Variants in NARF observed in about 807,000 individuals in gnomAD.
NARF encodes nuclear prelamin A recognition factor.
A neutral mutation model predicts 48.0 loss-of-function variants in NARF; 41 were observed. That is an observed-to-expected ratio of 0.85 (90% CI 0.66 to 1.11). The LOEUF is 1.11. Among genes scored for constraint, NARF ranks in the 50% least tolerant of loss-of-function variants. The probability of loss-of-function intolerance (pLI) is 0.00; values close to 1 mark genes in which losing one functional copy is unlikely to be tolerated. For synonymous variants in NARF, 215 were observed against 225.5 expected, an observed-to-expected ratio of 0.95 and a Z score of 0.42; for missense variants, 613 against 590.2, an observed-to-expected ratio of 1.04 and a Z score of -0.40.
chr17:82,464,056 A>G (rs1398622437), intron 2 of NARF: 6 of 491,732 alleles, frequency 1.2e-5, no homozygotes, highest in Non-Finnish European at 1.8e-5. Flanking sequence ...TGTCATCTGC[A>G]TGGTTCCCTA....
rs531651754 is a variant in NARF, at chr17:82,466,430, G to T, written c.252+2000G>T. On this transcript the variant is annotated intron_variant, in intron 3 of 10. Coordinates refer to ENST00000309794, the MANE Select transcript of NARF (RefSeq NM_012336.4). The stretch of plus-strand genomic sequence containing the variant: ...TCTACAACTTATATTTTAGTACGGT[G>T]TGCGATGTGAATACATTCTTCTTCC... Among the ~76,000 whole-genome samples the T allele has an allele frequency of 2.0e-5, 3 of 152,262 alleles. No homozygotes were observed. In the East Asian group the frequency reaches 5.8e-4, roughly 29 times the overall value.
chr17:82,469,858 C>A (rs2043657073), intron 4 of NARF, among the ~76,000 whole-genome samples: 1 of 150,854 alleles, frequency 6.6e-6, no homozygotes, highest in African/African-American at 2.4e-5. Context: ...CCCGCCTTGG[C>A]CTCCCAAAGT....
chr17:82,472,505 G>T, intron 4 of NARF, 59 bp from the exon 5 acceptor site: 1 of 1,460,978 alleles, frequency 6.8e-7, no homozygotes, highest in East Asian at 2.5e-5. Context: ...AAAAGAGGAA[G>T]CCTAAAAGTA....
rs2043959191 is a variant in NARF, at chr17:82,481,270, C to T, written c.769+59C>T. 4 of 1,600,070 alleles carry T rather than the reference C, an allele frequency of 2.5e-6. No homozygotes were observed. The South Asian group carries it at 4.4e-5, about 18-fold the overall frequency. ...GGGTAATCTCCTACTGGCCAGTACA[C>T]ACCAGAGCCAGGCAGATCTGTGTCC... On this transcript the variant is annotated intron_variant, in intron 7 of 10. Coordinates refer to ENST00000309794, the MANE Select transcript of NARF (RefSeq NM_012336.4).
intron 6 of NARF, 102 bp downstream of exon 6, chr17:82,479,020 C>A: frequency 1.9e-6 from 2 of 1,080,588 alleles, no homozygotes; most frequent in Non-Finnish European, 1.3e-6. Flanking sequence ...GTGGTCACGG[C>A]CCCCCAGGTG....
intron 5 of NARF, among the ~76,000 whole-genome samples, chr17:82,474,986 G>A (rs905798622): frequency 6.6e-6 from 1 of 152,192 alleles, no homozygotes; most frequent in African/African-American, 2.4e-5. Context: ...TTACTAGATT[G>A]TGGGTGTTAC....
intron 5 of NARF, among the ~76,000 whole-genome samples, chr17:82,474,451 A>G (rs1288065630): frequency 6.6e-6 from 1 of 152,190 alleles, no homozygotes; most frequent in Non-Finnish European, 1.5e-5. Flanking sequence ...ATCTTCGATG[A>G]TGCATAAGGG....
At chr17:82,486,302 C>T (rs945479879) in intron 10 of NARF, among the ~76,000 whole-genome samples, 4 of 152,134 alleles carry the variant, frequency 2.6e-5, no homozygotes, top group Non-Finnish European at 5.9e-5. Flanking sequence ...CATCTGCGCC[C>T]CTGGTGGGGA....
intron 10 of NARF, 127 bp from the exon 11 acceptor site, chr17:82,487,789 A>AACCCCCCC: frequency 6.2e-6 from 2 of 321,328 alleles, no homozygotes; most frequent in Non-Finnish European, 1.2e-5. Context: ...CCTCCCGCCC[A>AACCCCCCC]ATCTCTACAA....
rs1203745102 is a variant in NARF, at chr17:82,488,043, G to A, written c.1257G>A (p.Gln419=). ...GTCCGGAGTCCAGTGCACACGTGCA[G>A]GAGCTGTACCAGGAGTGGCTGGAGG... ...VRRPESSAHV[Q]ELYQEWLEGI... Residue 419 remains glutamine, a synonymous_variant, in exon 11 of 11, where the codon CAG becomes CAA. Coordinates refer to ENST00000309794, the MANE Select transcript of NARF (RefSeq NM_012336.4). 1.9e-6 allele frequency: 3 copies of A among 1,614,066 alleles called. No individual in the cohort carries two copies. In the African/African-American group the frequency reaches 4.0e-5, roughly 22 times the overall value.
intron 4 of NARF, among the ~76,000 whole-genome samples, chr17:82,471,034 A>C (rs918767023): frequency 3.3e-5 from 5 of 151,606 alleles, no homozygotes; most frequent in Admixed American, 3.3e-4. Flanking sequence ...ATGGTGGCAG[A>C]CACCTGTAAT....
chr17:82,475,619 C>T (rs2043815680), intron 5 of NARF, among the ~76,000 whole-genome samples: 2 of 152,246 alleles, frequency 1.3e-5, no homozygotes, highest in South Asian at 2.1e-4. Context: ...TACATACATA[C>T]AGCAAATCTC....
intron 6 of NARF, 62 bp downstream of exon 6, chr17:82,478,980 C>A: frequency 6.7e-7 from 1 of 1,496,412 alleles, no homozygotes. Flanking sequence ...CACAGGGGCC[C>A]AGGAAGGGGA....
At position 82,458,762 on chromosome 17, in the gene NARF, C is replaced by T; in HGVS notation, c.-42C>T. 1 of 1,478,950 alleles carries T rather than the reference C, an allele frequency of 6.8e-7. No individual in the cohort carries two copies. Among genetic ancestry groups the T allele is most frequent in the Non-Finnish European group, 8.9e-7 (1 of 1,120,606 alleles). 91.6% of individuals were successfully genotyped at this position (1,478,950 alleles called of 1,614,324 possible). A position where few individuals can be genotyped will look rare whatever the true frequency, so the allele number is the denominator to read the frequency against. ...TGGTGTCCCAGTCTCCCGGTGCTTC[C>T]CTGAGGCTGAGGCGCCCGGCCTCCC... On this transcript the variant is annotated 5_prime_UTR_variant, in exon 1 of 11. Coordinates refer to ENST00000309794, the MANE Select transcript of NARF (RefSeq NM_012336.4).
At position 82,472,470 on chromosome 17, in the gene NARF, C is replaced by T. The variant is rs532387494; in HGVS notation, c.386-94C>T. Reference sequence around the variant, plus strand: ...CTGCACTCTAGCCTGGGTGACAGAACGAGACTCCGTCTCAAAAAAAAAAAA... The same window carrying T: ...CTGCACTCTAGCCTGGGTGACAGAATGAGACTCCGTCTCAAAAAAAAAAAA... On this transcript the variant is annotated intron_variant, in intron 4 of 10. Coordinates refer to ENST00000309794, the MANE Select transcript of NARF (RefSeq NM_012336.4). 1.4e-3 allele frequency: 1,911 copies of T among 1,388,936 alleles called. 7 individuals carry two copies. Among genetic ancestry groups the T allele is most frequent in the Middle Eastern group, 4.4e-3 (22 of 4,970 alleles). The allele number at this position is 1,388,936 out of a possible 1,614,324, so 86.0% of individuals were successfully genotyped here.
At chr17:82,469,499 C>A (rs1417654986) in intron 4 of NARF, among the ~76,000 whole-genome samples, 1 of 152,180 alleles carries the variant, frequency 6.6e-6, no homozygotes, top group Non-Finnish European at 1.5e-5. Flanking sequence ...TATAGAGGGG[C>A]TTTTACAGCC....
rs2044152723 is a variant in NARF, at chr17:82,488,874, G to A, written c.*717G>A. 1 of 152,474 alleles carries A rather than the reference G, an allele frequency of 6.6e-6. No individual in the cohort carries two copies. Among genetic ancestry groups the A allele is most frequent in the Non-Finnish European group, 1.5e-5 (1 of 68,222 alleles). The allele number at this position is 152,474 out of a possible 1,614,324, so 9.4% of individuals were successfully genotyped here. On this transcript the variant is annotated 3_prime_UTR_variant, in exon 11 of 11. Transcript: ENST00000309794. ...GACTTGAAGGTGATTTGATGTGGGA[G>A]TGAGGGCAGAGGGTGGGGTGGCTGT... is the stretch of plus-strand genomic sequence containing the variant.
Position 82,471,749 on chromosome 17 carries a change from G to A in NARF, c.386-815G>A, listed in dbSNP as rs543890856. Reference sequence around the variant, plus strand: ...GGAGCTTGCAGTGAGCCGGGATAGCGCCACTGCAGTCCAGCTTGCGCGAAA... The same window carrying A: ...GGAGCTTGCAGTGAGCCGGGATAGCACCACTGCAGTCCAGCTTGCGCGAAA... On this transcript the variant is annotated intron_variant, in intron 4 of 10. Transcript: ENST00000309794. Among the ~76,000 whole-genome samples, 483 of 133,378 alleles carry A rather than the reference G, an allele frequency of 3.6e-3. 6 individuals are homozygous for A. The highest frequency in any genetic ancestry group is 0.017 in the Middle Eastern group (4 of 242). The allele number at this position is 133,378 out of a possible 152,430, so 87.5% of individuals were successfully genotyped here.
intron 8 of NARF, 142 bp downstream of exon 8, chr17:82,483,921 C>T (rs963824889): frequency 4.4e-6 from 3 of 684,874 alleles, no homozygotes; most frequent in Non-Finnish European, 7.5e-6. Context: ...GCCCCTGCCA[C>T]AACCCTCAGC....
Sources: gnomAD v4.1 joint callset for allele counts (sites outside exome capture counted in the v4.1 genomes callset) on GRCh38, gnomAD v4.1.1 for gene constraint, MANE v1.5 for transcripts, NCBI Gene and HGNC (gene_info 2026-07-23, HGNC 2026-07-21) for gene names.